Variants in GRM7 observed in about 807,000 individuals in gnomAD.
The protein encoded by GRM7 is metabotropic glutamate receptor 7.
Under a neutral mutation model 84.5 loss-of-function variants are expected in GRM7, and 35 were observed. The ratio of observed to expected loss-of-function variants is 0.41; its 90% CI spans 0.32 to 0.55. The LOEUF (loss-of-function observed/expected upper bound fraction) is 0.55, where lower values mean the gene tolerates loss of function less well. Ranked by LOEUF, GRM7 falls within the 20% of genes least tolerant of loss-of-function variation. The pLI, the probability that GRM7 is intolerant of heterozygous loss-of-function variation, is 0.19. For missense variants in GRM7, 1,003 were observed against 1,194.6 expected, an observed-to-expected ratio of 0.84 and a Z score of 2.36; for synonymous variants, 487 against 455.1, an observed-to-expected ratio of 1.07 and a Z score of -0.89.
intron 1 of GRM7, among the ~76,000 whole-genome samples, chr3:7,100,742 G>T (rs530310344): frequency 6.6e-6 from 1 of 151,674 alleles, no homozygotes; most frequent in South Asian, 2.1e-4. Flanking sequence ...TCAGGATATA[G>T]AATTATTTCC....
intron 4 of GRM7, among the ~76,000 whole-genome samples, chr3:7,413,240 G>A (rs917073592): frequency 6.6e-6 from 1 of 152,146 alleles, no homozygotes; most frequent in African/African-American, 2.4e-5. Flanking sequence ...CATTAATAAA[G>A]AAGAGCTATA....
chr3:7,168,325 C>G (rs1694873354), intron 2 of GRM7, among the ~76,000 whole-genome samples: 1 of 152,132 alleles, frequency 6.6e-6, no homozygotes, highest in South Asian at 2.1e-4. Context: ...CCTCCAATTT[C>G]ATATGGAAAT....
intron 7 of GRM7, among the ~76,000 whole-genome samples, chr3:7,474,263 A>C (rs1336498270): frequency 1.3e-5 from 2 of 152,092 alleles, no homozygotes; most frequent in African/African-American, 2.4e-5. Context: ...TACAGTGTTC[A>C]TGTCCTAAGT....
chr3:7,084,021 G>A (rs1011457121), intron 1 of GRM7, among the ~76,000 whole-genome samples: 5 of 152,128 alleles, frequency 3.3e-5, no homozygotes, highest in Non-Finnish European at 7.3e-5. Context: ...GTAAGGTCAT[G>A]TAGATGATTA....
intron 1 of GRM7, among the ~76,000 whole-genome samples, chr3:6,919,667 T>C (rs1429965232): frequency 6.6e-6 from 1 of 151,670 alleles, no homozygotes; most frequent in Non-Finnish European, 1.5e-5. Context: ...ATTTCAAATA[T>C]AAGATCATGG....
chr3:7,160,936 G>A (rs1329723392), intron 2 of GRM7, among the ~76,000 whole-genome samples: 1 of 152,098 alleles, frequency 6.6e-6, no homozygotes. Flanking sequence ...CAGTGCCTGG[G>A]ACACAGTGTG....
intron 1 of GRM7, among the ~76,000 whole-genome samples, chr3:7,000,168 C>CTTTTTT (rs35703323): frequency 1.3e-5 from 1 of 77,748 alleles, no homozygotes; most frequent in Non-Finnish European, 2.5e-5. Context: ...GAGGTTGTGA[C>CTTTTTT]TTTTTTTTTT....
intron 8 of GRM7, among the ~76,000 whole-genome samples, chr3:7,642,124 T>C (rs955604347): frequency 4.6e-5 from 7 of 152,184 alleles, no homozygotes; most frequent in African/African-American, 1.4e-4. Flanking sequence ...GGCTTGCTTT[T>C]CTGACTTTAG....
At chr3:7,099,259 ATACATGTATATATGAATACATGTATT>A (rs1462217713) in intron 1 of GRM7, among the ~76,000 whole-genome samples, 27 of 134,964 alleles carry the variant, frequency 2.0e-4, no homozygotes, top group Admixed American at 1.8e-3. Context: ...TACATGTATT[ATACATGTATATATGAATACATGTATT>A]ATACATGTAT....
At position 7,519,143 on chromosome 3, in the gene GRM7, C is replaced by G. The variant is rs539647430; in HGVS notation, c.1515+57421C>G. ...TTTTTTTCACTATATATTTACTGCT[C>G]TTTTTGCTTAAGTAAGCCATTTCTT... On this transcript the variant is annotated intron_variant, in intron 7 of 9. Coordinates refer to ENST00000357716, the MANE Select transcript of GRM7 (RefSeq NM_000844.4). Among the ~76,000 whole-genome samples, 82 of 152,238 alleles carry G rather than the reference C, an allele frequency of 5.4e-4. No homozygotes were observed. In the South Asian group the frequency reaches 0.017, roughly 31 times the overall value.
At chr3:7,633,990 C>A (rs1575576843) in intron 8 of GRM7, among the ~76,000 whole-genome samples, 1 of 152,160 alleles carries the variant, frequency 6.6e-6, no homozygotes, top group Admixed American at 6.5e-5. Flanking sequence ...CTTTTGTTCA[C>A]AAGATGCTTC....
At chr3:7,343,650 G>A (rs58902776) in intron 4 of GRM7, among the ~76,000 whole-genome samples, 6,339 of 152,214 alleles carry the variant, frequency 0.042, 294 homozygotes, top group African/African-American at 0.12. Context: ...AGACTAAACT[G>A]CTGAATCTCC....
chr3:7,244,989 A>G (rs1395595700), intron 2 of GRM7, among the ~76,000 whole-genome samples: 2 of 152,060 alleles, frequency 1.3e-5, no homozygotes, highest in African/African-American at 4.8e-5. Flanking sequence ...CAACTTAAAA[A>G]TGACTAAATG....
At chr3:6,903,012 G>T (rs1376477892) in intron 1 of GRM7, among the ~76,000 whole-genome samples, 1 of 152,042 alleles carries the variant, frequency 6.6e-6, no homozygotes, top group African/African-American at 2.4e-5. Context: ...TATCTTAAAA[G>T]CTGATTTCTA....
At chr3:7,385,181 A>G (rs1012143830) in intron 4 of GRM7, among the ~76,000 whole-genome samples, 34 of 152,012 alleles carry the variant, frequency 2.2e-4, no homozygotes, top group African/African-American at 7.2e-4. Flanking sequence ...ATATTTGACA[A>G]TATAGAATGT....
At chr3:6,978,135 A>G (rs1164544344) in intron 1 of GRM7, among the ~76,000 whole-genome samples, 1 of 152,162 alleles carries the variant, frequency 6.6e-6, no homozygotes, top group East Asian at 1.9e-4. Context: ...TCTAAATCCA[A>G]TGATGAGTGT....
Position 7,332,828 on chromosome 3 carries a change from G to A in GRM7, c.1033+26176G>A, listed in dbSNP as rs891607220. 2.6e-5 allele frequency among the ~76,000 whole-genome samples: 4 copies of A among 152,096 alleles called. No individual in the cohort carries two copies. The South Asian group carries it at 8.3e-4, about 31-fold the overall frequency. On this transcript the variant is annotated intron_variant, in intron 4 of 9. Coordinates refer to ENST00000357716, the MANE Select transcript of GRM7 (RefSeq NM_000844.4). The stretch of plus-strand genomic sequence containing the variant: ...CAAGCCCCACCCAACGAGAGTCTGA[G>A]CTCTGAACTGCCTAACCCTGCCCCT...
intron 1 of GRM7, among the ~76,000 whole-genome samples, chr3:7,142,711 C>T (rs1042610184): frequency 1.3e-5 from 2 of 152,110 alleles, no homozygotes; most frequent in Non-Finnish European, 2.9e-5. Context: ...GAAGGTACAA[C>T]AAAATGTTGA....
intron 4 of GRM7, among the ~76,000 whole-genome samples, chr3:7,328,393 T>C (rs1250383681): frequency 6.6e-6 from 1 of 152,190 alleles, no homozygotes; most frequent in Non-Finnish European, 1.5e-5. Context: ...CACTGCTAGG[T>C]ACTTAACAAT....
Sources: allele counts gnomAD v4.1 joint callset (sites outside exome capture counted in the v4.1 genomes callset), GRCh38; gene constraint gnomAD v4.1.1; transcripts MANE v1.5; gene names NCBI Gene and HGNC (gene_info 2026-07-23, HGNC 2026-07-21).